HDX: variants seen among roughly 807,000 people sequenced by gnomAD.
HDX encodes highly divergent homeobox.
In HDX, 19 loss-of-function variants were observed where a neutral mutation model predicts 45.2. The ratio of observed to expected loss-of-function variants is 0.42; its 90% CI spans 0.29 to 0.62. HDX has a LOEUF of 0.62. HDX is among the 20% of genes least tolerant of loss of function. The pLI is 0.20. For synonymous variants in HDX, 188 were observed against 172.8 expected (o/e 1.09, Z -0.69); for missense variants, 532 against 493.9 (o/e 1.08, Z -0.73).
At chrX:84,391,336 A>G (rs1199441396) in intron 5 of HDX, among the ~76,000 whole-genome samples, 1 of 111,498 alleles carries the variant, frequency 9.0e-6, no homozygotes, top group Non-Finnish European at 1.9e-5. Context: ...CACATTTTTT[A>G]TCCACTTCTC....
At chrX:84,492,127 T>G (rs943989598) in intron 1 of HDX, among the ~76,000 whole-genome samples, 1 of 111,040 alleles carries the variant, frequency 9.0e-6, no homozygotes, top group Non-Finnish European at 1.9e-5. Flanking sequence ...CTAGCCTTTT[T>G]GGGCTCCTTT....
chrX:84,392,707 T>C (rs1379168501), intron 5 of HDX, among the ~76,000 whole-genome samples: 1 of 110,899 alleles, frequency 9.0e-6, no homozygotes, highest in Non-Finnish European at 1.9e-5. Context: ...TATTTTTTTC[T>C]TGGCTACTTT....
At chrX:84,403,699 C>A (rs1305775873) in intron 5 of HDX, among the ~76,000 whole-genome samples, 1 of 111,849 alleles carries the variant, frequency 8.9e-6, no homozygotes, top group East Asian at 2.8e-4. Context: ...AAATAGTGAA[C>A]CTTCTTCAAA....
At chrX:84,373,876 C>T (rs1321153557) in intron 5 of HDX, among the ~76,000 whole-genome samples, 1 of 110,458 alleles carries the variant, frequency 9.1e-6, no homozygotes, top group Admixed American at 9.7e-5. Flanking sequence ...TCTCACCACT[C>T]CTATTCAACA....
chrX:84,419,638 G>C (rs1204633361), intron 5 of HDX, among the ~76,000 whole-genome samples: 1 of 112,151 alleles, frequency 8.9e-6, no homozygotes, highest in Non-Finnish European at 1.9e-5. Flanking sequence ...GCCACTGGCT[G>C]ATTGTAGAAC....
intron 5 of HDX, among the ~76,000 whole-genome samples, chrX:84,435,293 G>A (rs1048958816): frequency 1.8e-4 from 20 of 111,305 alleles, no homozygotes; most frequent in Non-Finnish European, 3.6e-4. Context: ...GTTTTGATTT[G>A]CATTTCTCTG....
At chrX:84,361,372 G>A in intron 6 of HDX, 94 bp downstream of exon 6, 1 of 705,036 alleles carries the variant, frequency 1.4e-6, no homozygotes, top group South Asian at 3.4e-5. Context: ...TCACTTTATT[G>A]CTAGCATTGC....
At chrX:84,442,547 T>A (rs1396351461) in intron 4 of HDX, among the ~76,000 whole-genome samples, 1 of 111,153 alleles carries the variant, frequency 9.0e-6, no homozygotes, top group Admixed American at 9.6e-5. Context: ...AATGAGAAGG[T>A]GTGAATAATT....
At chrX:84,328,902 A>C (rs1362611035) in intron 9 of HDX, among the ~76,000 whole-genome samples, 1 of 112,157 alleles carries the variant, frequency 8.9e-6, no homozygotes. Flanking sequence ...GATTTTATAC[A>C]TTTTAGAAAG....
chrX:84,325,067 G>T (rs1169237963), intron 10 of HDX, among the ~76,000 whole-genome samples: 1 of 111,093 alleles, frequency 9.0e-6, no homozygotes, highest in African/African-American at 3.3e-5. Flanking sequence ...CTGTGTGTGT[G>T]ACAGGGTGTA....
chrX:84,474,570 G>A (rs141596371), intron 3 of HDX, among the ~76,000 whole-genome samples: 1,146 of 111,679 alleles, frequency 0.01, 22 homozygotes, highest in African/African-American at 0.036. Context: ...AAGGTTTCAC[G>A]CTAAGAGGAT....
At chrX:84,413,988 A>T (rs1470384042) in intron 5 of HDX, among the ~76,000 whole-genome samples, 2 of 111,888 alleles carry the variant, frequency 1.8e-5, no homozygotes, top group African/African-American at 6.5e-5. Flanking sequence ...GATAGAACTG[A>T]CAGAAAATTA....
intron 4 of HDX, among the ~76,000 whole-genome samples, chrX:84,459,115 G>A (rs759401224): frequency 1.1e-4 from 12 of 111,584 alleles, no homozygotes; most frequent in Non-Finnish European, 2.1e-4. Flanking sequence ...GAAATTAAAC[G>A]ATATGTTCCT....
intron 5 of HDX, among the ~76,000 whole-genome samples, chrX:84,379,592 T>C (rs1402282094): frequency 2.7e-5 from 3 of 111,497 alleles, no homozygotes; most frequent in Admixed American, 9.6e-5. Flanking sequence ...TTGTAAATTA[T>C]GCAAATACAA....
At chrX:84,397,478 T>C (rs1454986436) in intron 5 of HDX, among the ~76,000 whole-genome samples, 1 of 111,384 alleles carries the variant, frequency 9.0e-6, no homozygotes, top group Admixed American at 9.5e-5. Flanking sequence ...CAAGAGGCTC[T>C]TCCATGTTTA....
At chrX:84,393,886 G>A (rs1229374929) in intron 5 of HDX, among the ~76,000 whole-genome samples, 2 of 109,999 alleles carry the variant, frequency 1.8e-5, no homozygotes, top group African/African-American at 6.6e-5. Context: ...CTCTGATTTT[G>A]TTTATTTGGT....
chrX:84,450,809 C>T (rs2039980963), intron 4 of HDX, among the ~76,000 whole-genome samples: 1 of 112,154 alleles, frequency 8.9e-6, no homozygotes, highest in Non-Finnish European at 1.9e-5. Flanking sequence ...AAACAAATCT[C>T]AACAACCACT....
chrX:84,480,023 T>G (rs1316954962), intron 2 of HDX, among the ~76,000 whole-genome samples: 2 of 111,785 alleles, frequency 1.8e-5, no homozygotes, highest in Non-Finnish European at 3.8e-5. Flanking sequence ...ATATCTTGCC[T>G]GATTTCTTTT....
chrX:84,392,238 T>C (rs58979187), intron 5 of HDX, among the ~76,000 whole-genome samples: 27,824 of 110,956 alleles, frequency 0.25, 2,640 homozygotes, highest in Non-Finnish European at 0.3. Flanking sequence ...ATATGCATAT[T>C]GATCTCTGGG....
Sources: allele counts gnomAD v4.1 joint callset (sites outside exome capture counted in the v4.1 genomes callset), GRCh38; gene constraint gnomAD v4.1.1; transcripts MANE v1.5; gene names NCBI Gene and HGNC (gene_info 2026-07-23, HGNC 2026-07-21).